Variants in ABHD6 observed in about 807,000 individuals in gnomAD.
The protein encoded by ABHD6 is abhydrolase domain containing 6, acylglycerol lipase.
In ABHD6, 33 loss-of-function variants were observed where a neutral mutation model predicts 38.8. That is an observed-to-expected ratio of 0.85 (90% CI 0.64 to 1.14). The LOEUF is 1.14. ABHD6 is among the 50% of genes most tolerant of loss of function. The pLI is 0.00. For missense variants in ABHD6, 380 were observed against 422.6 expected (o/e 0.90, Z 0.88); for synonymous variants, 147 against 161.6 (o/e 0.91, Z 0.69).
In ABHD6 at chr3:58,286,836, G is replaced by A. The variant is rs1340545388; in HGVS notation, c.837+1383G>A. Among the ~76,000 whole-genome samples the A allele has an allele frequency of 5.2e-3, 202 of 38,668 alleles. 14 individuals are homozygous for A. Among genetic ancestry groups the A allele is most frequent in the African/African-American group, 0.021 (183 of 8,576 alleles). 25.4% of individuals were successfully genotyped at this position (38,668 alleles called of 152,430 possible). ...TAAGATCATATATGTGTGTGTGTGT[G>A]TGTGTGTGTGTGTGTGTATATATAT... On this transcript the variant is annotated intron_variant, in intron 9 of 9. Coordinates refer to ENST00000478253, the MANE Select transcript of ABHD6 (RefSeq NM_001320126.2).
chr3:58,260,299 C>T (rs2097436095), intron 3 of ABHD6, among the ~76,000 whole-genome samples: 2 of 152,302 alleles, frequency 1.3e-5, no homozygotes, highest in African/African-American at 4.8e-5. Context: ...GGCTGAAAGA[C>T]AAACACAATG....
intron 9 of ABHD6, among the ~76,000 whole-genome samples, chr3:58,289,859 A>C (rs1215650793): frequency 1.9e-5 from 2 of 104,678 alleles, no homozygotes; most frequent in African/African-American, 9.7e-5. Flanking sequence ...CTGGCCGGGT[A>C]GGGGGCTGAC....
At chr3:58,283,054 G>A (rs1559782872) in intron 7 of ABHD6, among the ~76,000 whole-genome samples, 1 of 152,172 alleles carries the variant, frequency 6.6e-6, no homozygotes, top group African/African-American at 2.4e-5. Context: ...GTAGGAGCTG[G>A]ACCCTGCCTG....
At chr3:58,261,168 A>G (rs1665665629) in intron 3 of ABHD6, among the ~76,000 whole-genome samples, 1 of 152,232 alleles carries the variant, frequency 6.6e-6, no homozygotes, top group Admixed American at 6.5e-5. Context: ...CAGTTGTGAA[A>G]TCAAGGTAAG....
intron 6 of ABHD6, among the ~76,000 whole-genome samples, chr3:58,271,572 A>C (rs572951017): frequency 1.3e-5 from 2 of 151,914 alleles, no homozygotes; most frequent in African/African-American, 2.4e-5. Flanking sequence ...ATAAGATCTT[A>C]AAAAAAATCC....
intron 3 of ABHD6, among the ~76,000 whole-genome samples, chr3:58,264,393 A>G (rs1360262288): frequency 0.13 from 1,923 of 14,684 alleles, 84 homozygotes; most frequent in East Asian, 0.54. Context: ...AAACGCACAC[A>G]CACACACACA....
At position 58,259,844 on chromosome 3, in the gene ABHD6, G is replaced by A. The variant is rs1312989520; in HGVS notation, c.119+3139G>A. ...CCATACCTAGTAGCCATCAATCCCA[G>A]TTTCTCCCTCACTTCATCTTCTGGC... is the stretch of plus-strand genomic sequence containing the variant. On this transcript the variant is annotated intron_variant, in intron 3 of 9. Transcript: ENST00000478253. This position sits in a 1 kb window ranked among gnomAD's most constrained non-coding sequence, Gnocchi z 4.7. 6.6e-6 allele frequency among the ~76,000 whole-genome samples: 1 copy of A among 152,072 alleles called. No individual in the cohort carries two copies. Among genetic ancestry groups the A allele is most frequent in the African/African-American group, 2.4e-5 (1 of 41,394 alleles).
intron 1 of ABHD6, among the ~76,000 whole-genome samples, chr3:58,244,438 G>A (rs1433992458): frequency 1.3e-5 from 2 of 152,098 alleles, no homozygotes; most frequent in African/African-American, 4.8e-5. Context: ...TTATCATACC[G>A]TAAAAGAGTC....
chr3:58,283,219 G>A (rs1041971077), intron 7 of ABHD6, among the ~76,000 whole-genome samples: 1 of 152,206 alleles, frequency 6.6e-6, no homozygotes, highest in African/African-American at 2.4e-5. Context: ...TAGCCATGAA[G>A]TAGCATTCCT....
chr3:58,267,452 T>G lies in ABHD6; in HGVS notation c.276+107T>G. 7.0e-7 allele frequency: 1 copy of G among 1,422,724 alleles called. No homozygotes were observed. The highest frequency in any genetic ancestry group is 1.2e-5 in the South Asian group (1 of 82,226). The allele number at this position is 1,422,724 out of a possible 1,614,324, so 88.1% of individuals were successfully genotyped here. On this transcript the variant is annotated intron_variant, in intron 4 of 9. Coordinates refer to ENST00000478253, the MANE Select transcript of ABHD6 (RefSeq NM_001320126.2). The surrounding 1 kb of genome is among the most constrained non-coding windows in gnomAD (Gnocchi z 4.3). ...GCCTGAGGCAGGAGGATTGCTTGAGTCCAGGAGTTCAAAACCAGCCTGGAC... is the reference window on the plus strand; with the variant it reads ...GCCTGAGGCAGGAGGATTGCTTGAGGCCAGGAGTTCAAAACCAGCCTGGAC...
At chr3:58,248,655 G>A (rs549645147) in intron 1 of ABHD6, among the ~76,000 whole-genome samples, 4 of 152,232 alleles carry the variant, frequency 2.6e-5, no homozygotes, top group African/African-American at 7.2e-5. Flanking sequence ...CTGAGATCGC[G>A]GCATTGCACT....
At chr3:58,264,386 C>T (rs565987946) in intron 3 of ABHD6, among the ~76,000 whole-genome samples, 58 of 64,680 alleles carry the variant, frequency 9.0e-4, no homozygotes, top group African/African-American at 2.5e-3. Flanking sequence ...GTTATATAAA[C>T]GCACACACAC....
intron 4 of ABHD6, among the ~76,000 whole-genome samples, chr3:58,268,988 T>C (rs571157867): frequency 6.6e-6 from 1 of 152,142 alleles, no homozygotes; most frequent in Non-Finnish European, 1.5e-5. Flanking sequence ...CTGGAGTAAG[T>C]GTGGAAGGGG....
At chr3:58,254,505 C>T (rs1018020757) in intron 2 of ABHD6, among the ~76,000 whole-genome samples, 1 of 152,028 alleles carries the variant, frequency 6.6e-6, no homozygotes, top group Non-Finnish European at 1.5e-5. Context: ...GCTTAGTGGT[C>T]GAGAGGTTAT....
chr3:58,293,762 C>A lies in ABHD6; in HGVS notation c.1011C>A (p.Asp337Glu). 6.2e-7 allele frequency: 1 copy of A among 1,613,800 alleles called. No homozygotes were observed. The highest frequency in any genetic ancestry group is 2.2e-5 in the East Asian group (1 of 44,870). The change falls in exon 10 of 10, where the codon GAC becomes GAA. Residue 337 changes from aspartate to glutamate, a missense_variant. Physicochemically the swap from Asp to Glu is conservative, Grantham distance 45. Coordinates refer to ENST00000478253, the MANE Select transcript of ABHD6 (RefSeq NM_001320126.2). This position sits in a 1 kb window ranked among gnomAD's most constrained non-coding sequence, Gnocchi z 4.4. ...ACACAGACAACAACAAGAAGCTGGA[C>A]TGAGGCCCCGACTGCAGCCTGCATT... ...VHNTDNNKKLD is the reference protein window; with the variant it reads ...VHNTDNNKKLE
intron 9 of ABHD6, among the ~76,000 whole-genome samples, chr3:58,286,086 C>G (rs2097456747): frequency 6.6e-6 from 1 of 151,782 alleles, no homozygotes; most frequent in African/African-American, 2.4e-5. Context: ...GTGGCACAAT[C>G]TCGGCTCACT....
Position 58,267,330 on chromosome 3 carries a change from G to T in ABHD6, c.261G>T (p.Trp87Cys). 1 of 1,614,064 alleles carries T rather than the reference G, an allele frequency of 6.2e-7. No homozygotes were observed. The highest frequency in any genetic ancestry group is 8.5e-7 in the Non-Finnish European group (1 of 1,179,974). The part of the protein sequence containing the change: ...LHGFSAHKDM[W>C]LSVVKFLPKN... Reference sequence around the variant, plus strand: ...GATTCTCTGCCCACAAGGATATGTGGCTCAGTGTGGTCAAGGTGCAATTCT... The same window carrying T: ...GATTCTCTGCCCACAAGGATATGTGTCTCAGTGTGGTCAAGGTGCAATTCT... The change falls in exon 4 of 10, where the codon TGG (tryptophan) becomes TGT (cysteine). Residue 87 changes from tryptophan (W) to cysteine (C), a missense_variant. Physicochemically the swap from Trp to Cys is radical, Grantham distance 215. Coordinates refer to ENST00000478253, the MANE Select transcript of ABHD6 (RefSeq NM_001320126.2). This position sits in a 1 kb window ranked among gnomAD's most constrained non-coding sequence, Gnocchi z 4.3.
In ABHD6 at chr3:58,251,254, T is replaced by C. The variant is rs1464020635; in HGVS notation, c.-26+1312T>C. On this transcript the variant is annotated intron_variant, in intron 2 of 9. Transcript: ENST00000478253. The surrounding 1 kb of genome is among the most constrained non-coding windows in gnomAD (Gnocchi z 5.4). Reference sequence around the variant, plus strand: ...AGCACTTGAACCCAGGAGGCGGAGGTTGCAGTGAGCCAAGATTGTACCACT... The same window carrying C: ...AGCACTTGAACCCAGGAGGCGGAGGCTGCAGTGAGCCAAGATTGTACCACT... Among the ~76,000 whole-genome samples the C allele has an allele frequency of 1.1e-4, 16 of 151,304 alleles. No individual in the cohort carries two copies.
chr3:58,279,252 C>T (rs560688376), intron 7 of ABHD6, among the ~76,000 whole-genome samples: 67 of 152,252 alleles, frequency 4.4e-4, no homozygotes, highest in Admixed American at 8.5e-4. Context: ...CTTTGTAGGT[C>T]TCTAAGAGCT....
Sources: gnomAD v4.1 joint callset for allele counts (sites outside exome capture counted in the v4.1 genomes callset) on GRCh38, gnomAD v4.1.1 for gene constraint, Gnocchi (gnomAD v3.1) non-coding constraint, MANE v1.5 for transcripts, NCBI Gene and HGNC (gene_info 2026-07-23, HGNC 2026-07-21) for gene names.